PCGF5: variants seen among roughly 807,000 people sequenced by gnomAD.
The protein encoded by PCGF5 is polycomb group RING finger protein 5.
Under a neutral mutation model 44.3 loss-of-function variants are expected in PCGF5, and 9 were observed. The observed-to-expected ratio is 0.20, with a 90% CI of 0.12 to 0.35. PCGF5 has a LOEUF of 0.35. PCGF5 is among the 10% of genes least tolerant of loss of function. PCGF5 has a pLI of 1.00. For missense variants in PCGF5, 146 were observed against 305.3 expected, an observed-to-expected ratio of 0.48 and a Z score of 3.89; for synonymous variants, 95 against 102.5, an observed-to-expected ratio of 0.93 and a Z score of 0.44.
At chr10:91,156,738 C>G in the PCGF5 span, among the ~76,000 whole-genome samples, 2 of 152,174 alleles carry the variant, frequency 1.3e-5, no homozygotes, top group South Asian at 4.1e-4. Context: ...CTTCCTACCT[C>G]TCTTTGGGAA....
chr10:91,271,615 TG>T, intron 8 of PCGF5, 22 bp from the exon 9 acceptor site: 1 of 1,608,384 alleles, frequency 6.2e-7, no homozygotes, highest in Non-Finnish European at 8.5e-7. Flanking sequence ...GCCTCTTATC[TG>T]ATGAGTTCAT....
chr10:91,194,560 A>G (rs143874139), intron 1 of PCGF5, among the ~76,000 whole-genome samples: 25 of 152,338 alleles, frequency 1.6e-4, no homozygotes, highest in African/African-American at 6.0e-4. Context: ...GAGCTATAAG[A>G]TAATACATTT....
At chr10:91,187,283 G>A (rs796342766) in intron 1 of PCGF5, among the ~76,000 whole-genome samples, 2 of 152,118 alleles carry the variant, frequency 1.3e-5, no homozygotes, top group African/African-American at 4.8e-5. Flanking sequence ...TGTGCAAATC[G>A]GTTTGGGAAC....
At position 91,280,557 on chromosome 10, in the gene PCGF5, G is replaced by A. The variant is rs773543354; in HGVS notation, c.*2241G>A. The A allele has an allele frequency of 4.6e-5, 7 of 152,426 alleles. No homozygotes were observed. Among genetic ancestry groups the A allele is most frequent in the East Asian group, 1.9e-4 (1 of 5,204 alleles). 9.4% of individuals were successfully genotyped at this position (152,426 alleles called of 1,614,324 possible). On this transcript the variant is annotated 3_prime_UTR_variant, in exon 10 of 10. Coordinates refer to ENST00000336126, the MANE Select transcript of PCGF5 (RefSeq NM_032373.5). ...TGCAATGGAATATGTGCCAAAACAC[G>A]TGAAAAGCTTACATAAAGAAAGGCA...
At chr10:91,249,232 G>C (rs1212799676) in intron 5 of PCGF5, among the ~76,000 whole-genome samples, 2 of 151,632 alleles carry the variant, frequency 1.3e-5, no homozygotes, top group African/African-American at 4.8e-5. Context: ...AATTTAGAAA[G>C]TATTTCTGGG....
At chr10:91,204,307 A>G (rs560687977) in intron 1 of PCGF5, among the ~76,000 whole-genome samples, 2 of 149,638 alleles carry the variant, frequency 1.3e-5, no homozygotes, top group African/African-American at 4.8e-5. Context: ...TTTTAATTAA[A>G]CCTTAATCTG....
intron 1 of PCGF5, among the ~76,000 whole-genome samples, chr10:91,207,616 G>A (rs944670366): frequency 3.9e-5 from 6 of 152,146 alleles, no homozygotes; most frequent in South Asian, 2.1e-4. Flanking sequence ...CTTTATAACC[G>A]TAACAATAAT....
upstream of PCGF5, among the ~76,000 whole-genome samples, chr10:91,162,689 G>C (rs1459047559): frequency 6.8e-6 from 1 of 146,702 alleles, no homozygotes; most frequent in Non-Finnish European, 1.5e-5. Context: ...GGCCGTGCCC[G>C]GCAGGACGCT....
At chr10:91,273,147 C>G (rs1484569283) in intron 9 of PCGF5, among the ~76,000 whole-genome samples, 1 of 152,184 alleles carries the variant, frequency 6.6e-6, no homozygotes, top group East Asian at 1.9e-4. Flanking sequence ...TTTAACATCT[C>G]TGAAGGCCAA....
At chr10:91,210,818 T>G (rs1482464786) in intron 1 of PCGF5, among the ~76,000 whole-genome samples, 2 of 152,194 alleles carry the variant, frequency 1.3e-5, no homozygotes, top group Admixed American at 6.5e-5. Context: ...CACTGTAACA[T>G]CTCAAAAATG....
chr10:91,254,171 C>T (rs1417774023), intron 6 of PCGF5, among the ~76,000 whole-genome samples: 2 of 150,698 alleles, frequency 1.3e-5, no homozygotes, highest in South Asian at 2.1e-4. Flanking sequence ...TGTATGTGTT[C>T]GTTCTCTCTC....
chr10:91,168,318 G>A (rs1269768892), intron 1 of PCGF5, among the ~76,000 whole-genome samples: 1 of 152,104 alleles, frequency 6.6e-6, no homozygotes, highest in Non-Finnish European at 1.5e-5. Context: ...GGAGGGGGAT[G>A]AGGAAAAGAT....
Position 91,282,733 on chromosome 10 carries a change from T to C in PCGF5, c.*4417T>C, listed in dbSNP as rs1203536071. 4 of 152,596 alleles carry C rather than the reference T, an allele frequency of 2.6e-5. No individual in the cohort carries two copies. Among genetic ancestry groups the C allele is most frequent in the Non-Finnish European group, 4.4e-5 (3 of 68,036 alleles). 9.5% of individuals were successfully genotyped at this position (152,596 alleles called of 1,614,324 possible). A position where few individuals can be genotyped will look rare whatever the true frequency, so the allele number is the denominator to read the frequency against. On this transcript the variant is annotated 3_prime_UTR_variant, in exon 10 of 10. Coordinates refer to ENST00000336126, the MANE Select transcript of PCGF5 (RefSeq NM_032373.5). ...ACTCCTTGGATAGGGTGAAAATGGA[T>C]GCACACTCTATTACATACTCTGGTT...
chr10:91,219,734 T>G (rs1448419020), upstream of PCGF5, among the ~76,000 whole-genome samples: 1 of 152,238 alleles, frequency 6.6e-6, no homozygotes, highest in Non-Finnish European at 1.5e-5. Context: ...TTTAAACATG[T>G]CAAAGTTTGA....
At chr10:91,249,361 G>A (rs1449477666) in intron 5 of PCGF5, among the ~76,000 whole-genome samples, 1 of 133,000 alleles carries the variant, frequency 7.5e-6, no homozygotes, top group African/African-American at 2.7e-5. Context: ...GCAGATAAAA[G>A]GCTTTTAGTG....
chr10:91,208,178 A>G (rs976148717), intron 1 of PCGF5, among the ~76,000 whole-genome samples: 11 of 152,240 alleles, frequency 7.2e-5, no homozygotes, highest in African/African-American at 2.4e-4. Flanking sequence ...CATTCCTTAC[A>G]TAAGTTGACA....
At chr10:91,270,385 A>AT (rs1198299240) in intron 8 of PCGF5, among the ~76,000 whole-genome samples, 1 of 151,678 alleles carries the variant, frequency 6.6e-6, no homozygotes, top group African/African-American at 2.4e-5. Context: ...CAATAGAAAA[A>AT]AAAAAAAGAA....
chr10:91,198,772 G>A lies in PCGF5; in HGVS notation c.-183-23917G>A, dbSNP rs146683930. On this transcript the variant is annotated intron_variant, in intron 1 of 9. Transcript: ENST00000614189. Reference sequence around the variant, plus strand: ...GACGTTTTGGCCTTGTCATACCACGGGGCAGTACCTCTTAAGGATTGGATG... The same window carrying A: ...GACGTTTTGGCCTTGTCATACCACGAGGCAGTACCTCTTAAGGATTGGATG... 6.3e-4 allele frequency among the ~76,000 whole-genome samples: 96 copies of A among 152,280 alleles called. 1 individual carries two copies. The Middle Eastern group carries it at 0.02, about 32-fold the overall frequency.
At chr10:91,242,588 A>G (rs1845357110) in intron 3 of PCGF5, among the ~76,000 whole-genome samples, 1 of 152,134 alleles carries the variant, frequency 6.6e-6, no homozygotes, top group African/African-American at 2.4e-5. Flanking sequence ...GTATAACATC[A>G]TATATTTTTT....
Sources: allele counts gnomAD v4.1 joint callset (sites outside exome capture counted in the v4.1 genomes callset), GRCh38; gene constraint gnomAD v4.1.1; transcripts MANE v1.5; gene names NCBI Gene and HGNC (gene_info 2026-07-23, HGNC 2026-07-21).